The following POLRMT variants were observed in gnomAD, a reference collection of about 807,000 sequenced individuals.
The protein encoded by POLRMT is DNA-directed RNA polymerase, mitochondrial.
In POLRMT, 114 loss-of-function variants were observed where a neutral mutation model predicts 132.2. That is an observed-to-expected ratio of 0.86 (90% confidence interval 0.74 to 1.01). POLRMT has a LOEUF of 1.01. Ranked by LOEUF, POLRMT falls within the 50% of genes least tolerant of loss-of-function variation. The pLI, the probability that POLRMT is intolerant of heterozygous loss-of-function variation, is 0.00. For synonymous variants in POLRMT, 1,020 were observed against 773.4 expected (o/e 1.32, Z -5.29); for missense variants, 2,003 against 1,729.1 (o/e 1.16, Z -2.81).
chr19:621,333 G>A lies in POLRMT; in HGVS notation c.2365C>T (p.Leu789=), dbSNP rs940736344. Residue 789 remains leucine, a synonymous_variant, in exon 10 of 21, where the codon CTG becomes TTG. Transcript: ENST00000588649. ...ALYRLSLAQH[L]RDRVFWLPHN... Reference sequence around the variant, plus strand: ...GGCAGCCAGAAGACGCGGTCCCGCAGGTGCTGCGCCAGCGAGAGGCGGTAC... The same window carrying A: ...GGCAGCCAGAAGACGCGGTCCCGCAAGTGCTGCGCCAGCGAGAGGCGGTAC... 31 of 1,591,342 alleles carry A rather than the reference G, an allele frequency of 1.9e-5. No individual in the cohort carries two copies. The highest frequency in any genetic ancestry group is 3.4e-5 in the Admixed American group (2 of 58,840).
rs533474881 is a variant in POLRMT at position 619,808 on chromosome 19, C to G, written c.2887-43G>C. On this transcript the variant is annotated intron_variant, in intron 12 of 20. Coordinates refer to ENST00000588649, the MANE Select transcript of POLRMT (RefSeq NM_005035.4). ...CGGGGGCGCGGGTCAGCCCCGCTAG[C>G]AGCCCAGGGGCCACCAAGCACCCAT... is the stretch of plus-strand genomic sequence containing the variant. 15 of 1,549,902 alleles carry G rather than the reference C, an allele frequency of 9.7e-6. No individual in the cohort carries two copies. The South Asian group carries it at 1.2e-4, about 13-fold the overall frequency.
intron 3 of POLRMT, among the ~76,000 whole-genome samples, chr19:628,097 T>C (rs908176320): frequency 1.3e-5 from 2 of 152,108 alleles, no homozygotes; most frequent in Non-Finnish European, 2.9e-5. Flanking sequence ...CCAGGACTGC[T>C]GGCCACCCCG....
At chr19:628,339 G>C (rs74403576) in intron 3 of POLRMT, among the ~76,000 whole-genome samples, 1 of 152,172 alleles carries the variant, frequency 6.6e-6, no homozygotes, top group Non-Finnish European at 1.5e-5. Flanking sequence ...GAAAATACAC[G>C]ACCCTCATCC....
chr19:617,409 A>T lies in POLRMT; in HGVS notation c.3643+10T>A. On this transcript the variant is annotated intron_variant, in intron 20 of 20. Transcript: ENST00000588649. ...TCGAGCCACCCTTGCGAGGCTGCCC[A>T]CCCGCCTACCTGGCTTGGGCACCGC... is the stretch of plus-strand genomic sequence containing the variant. 1 of 1,611,698 alleles carries T rather than the reference A, an allele frequency of 6.2e-7. No individual in the cohort carries two copies. The highest frequency in any genetic ancestry group is 1.7e-5 in the Admixed American group (1 of 59,958).
In POLRMT at chr19:623,438, C is replaced by G; in HGVS notation, c.1290+16G>C. 6.2e-7 allele frequency: 1 copy of G among 1,609,724 alleles called. No homozygotes were observed. The highest frequency in any genetic ancestry group is 8.5e-7 in the Non-Finnish European group (1 of 1,179,282). ...CAGCCCCTGCGGCGGACACGGGACCCCGGCTCAGCCCCTACCGCGTGCTTG... is the reference window on the plus strand; with the variant it reads ...CAGCCCCTGCGGCGGACACGGGACCGCGGCTCAGCCCCTACCGCGTGCTTG... On this transcript the variant is annotated intron_variant, in intron 6 of 20. Transcript: ENST00000588649.
chr19:621,213 G>C lies in POLRMT; in HGVS notation c.2485C>G (p.Gln829Glu). Residue 829 changes from glutamine (Q) to glutamate (E), a missense_variant, in exon 10 of 21, where the codon CAG (glutamine) becomes GAG (glutamate). Gln to Glu is a conservative substitution (Grantham distance 29, BLOSUM62 2). Transcript: ENST00000588649. ...DVARALLEFA[Q>E]GRPLGPHGLD... ...CCGTGCGGGCCGAGCGGGCGGCCCT[G>C]GGCGAACTCCAGCAGGGCCCGCGCC... 6.2e-7 allele frequency: 1 copy of C among 1,610,212 alleles called. No homozygotes were observed.
At chr19:621,965 C>A in intron 9 of POLRMT, 119 bp from the exon 10 acceptor site, 1 of 1,311,144 alleles carries the variant, frequency 7.6e-7, no homozygotes, top group Non-Finnish European at 1.0e-6. Flanking sequence ...TGTGGCCTCC[C>A]ACGAACAGAA....
intron 3 of POLRMT, 84 bp downstream of exon 3, chr19:629,456 A>G (rs1396032282): frequency 7.6e-6 from 10 of 1,307,982 alleles, no homozygotes; most frequent in South Asian, 2.2e-5. Flanking sequence ...CCTGGGGGCT[A>G]AGAGAGAAAA....
At chr19:631,238 G>A (rs2144704611) in intron 2 of POLRMT, among the ~76,000 whole-genome samples, 1 of 149,386 alleles carries the variant, frequency 6.7e-6, no homozygotes, top group Non-Finnish European at 1.5e-5. Context: ...TGAGGTGAAA[G>A]AATCACCTAA....
At position 622,565 on chromosome 19, in the gene POLRMT, G is replaced by T; in HGVS notation, c.1626+17C>A. 4 of 1,586,400 alleles carry T rather than the reference G, an allele frequency of 2.5e-6. No individual in the cohort carries two copies. Among genetic ancestry groups the T allele is most frequent in the East Asian group, 2.3e-5 (1 of 44,164 alleles). On this transcript the variant is annotated intron_variant, in intron 8 of 20. Transcript: ENST00000588649. Reference sequence around the variant, plus strand: ...ACCACTGGCCCCAGCCAGGAGGAGAGGGGGTGCGAGCCTCACCTCGGCGTC... The same window carrying T: ...ACCACTGGCCCCAGCCAGGAGGAGATGGGGTGCGAGCCTCACCTCGGCGTC...
intron 17 of POLRMT, 32 bp downstream of exon 17, chr19:618,456 G>A (rs575918667): frequency 1.1e-5 from 17 of 1,524,416 alleles, no homozygotes; most frequent in South Asian, 8.3e-5. Flanking sequence ...CCTGGGAGGC[G>A]AGCGGCACCC....
At chr19:624,934 C>G (rs369877432) in intron 4 of POLRMT, 29 bp from the exon 5 acceptor site, 1 of 1,583,512 alleles carries the variant, frequency 6.3e-7, no homozygotes, top group South Asian at 1.1e-5. Context: ...GCTCGAGGGA[C>G]GGGCCAGCCC....
intron 2 of POLRMT, 33 bp downstream of exon 2, chr19:632,801 C>A: frequency 1.3e-6 from 2 of 1,515,364 alleles, no homozygotes; most frequent in Non-Finnish European, 8.9e-7. Context: ...AGCGGACTCT[C>A]CTCTCCCGGG....
In POLRMT at chr19:621,080, T is replaced by G. The variant is rs1984536558; in HGVS notation, c.2618A>C (p.Asp873Ala). 1.2e-6 allele frequency: 2 copies of G among 1,607,654 alleles called. No individual in the cohort carries two copies. Among genetic ancestry groups the G allele is most frequent in the Non-Finnish European group, 8.5e-7 (1 of 1,177,922 alleles). The change falls in exon 10 of 21, where the codon GAC (aspartate) becomes GCC (alanine). Residue 873 changes from aspartate (D) to alanine (A), a missense_variant. By Grantham distance (126) the Asp-to-Ala change is moderately radical (BLOSUM62 -2). Transcript: ENST00000588649. ...TACCGTCAAGGGTTGGTCCGCGGAG[T>G]CCAGGATGTCATCCATCACCTCCTC... The part of the protein sequence containing the change: ...FAEEVMDDIL[D>A]SADQPLTGRK...
chr19:622,433 G>C (rs1984688744), intron 8 of POLRMT, 60 bp from the exon 9 acceptor site: 2 of 1,478,378 alleles, frequency 1.4e-6, no homozygotes, highest in South Asian at 2.7e-5. Context: ...ATGCCCCACC[G>C]CCCGTGCCTG....
intron 5 of POLRMT, 21 bp downstream of exon 5, chr19:624,697 GC>G: frequency 1.2e-6 from 2 of 1,604,856 alleles, no homozygotes; most frequent in Non-Finnish European, 1.7e-6. Context: ...ACTGAAGTCT[GC>G]CGGGGCCCAC....
chr19:621,576 G>A lies in POLRMT; in HGVS notation c.2122C>T (p.Arg708Cys), dbSNP rs1445117106. Residue 708 changes from arginine (R) to cysteine (C), a missense_variant, in exon 10 of 21, where the codon CGC becomes TGC. Coordinates refer to ENST00000588649, the MANE Select transcript of POLRMT (RefSeq NM_005035.4). ...AGGTCCAGCACGCGCCCGTTGACGC[G>A]CCAGGCGCAGTTGCCCAGTTGGGTG... ...ALTQLGNCAW[R>C]VNGRVLDLVL... The A allele has an allele frequency of 8.2e-6, 12 of 1,466,168 alleles. No individual in the cohort carries two copies. Among genetic ancestry groups the A allele is most frequent in the East Asian group, 2.6e-5 (1 of 38,896 alleles). 90.8% of individuals were successfully genotyped at this position (1,466,168 alleles called of 1,614,324 possible).
Position 623,467 on chromosome 19 carries a change from T to A in POLRMT, c.1277A>T (p.Glu426Val), listed in dbSNP as rs770814053. 8 of 1,611,888 alleles carry A rather than the reference T, an allele frequency of 5.0e-6. No individual in the cohort carries two copies. The highest frequency in any genetic ancestry group is 6.8e-6 in the Non-Finnish European group (8 of 1,179,924). ...CTCAGCCCCTACCGCGTGCTTGACCTCCTTGCTTGGCAACGTGGGCTTCTC... is the reference window on the plus strand; with the variant it reads ...CTCAGCCCCTACCGCGTGCTTGACCACCTTGCTTGGCAACGTGGGCTTCTC... ...SVEKPTLPSK[E>V]VKHARKTLKT... The change falls in exon 6 of 21, where the codon GAG becomes GTG. Residue 426 changes from glutamate to valine, a missense_variant. By Grantham distance (121) the Glu-to-Val change is moderately radical. Coordinates refer to ENST00000588649, the MANE Select transcript of POLRMT (RefSeq NM_005035.4).
chr19:617,439 AGT>A lies in POLRMT; in HGVS notation c.3621_3622del (p.Leu1208AlafsTer?). On this transcript the variant is annotated frameshift_variant, in exon 20 of 21. Coordinates refer to ENST00000588649, the MANE Select transcript of POLRMT (RefSeq NM_005035.4). LOFTEE classifies it high-confidence loss of function. The stretch of plus-strand genomic sequence containing the variant: ...CCTACCTGGCTTGGGCACCGCCTGC[AGT>A]GTCTCCTTCAGCTGGCTGGCCTCCA... The A allele has an allele frequency of 6.4e-7, 1 of 1,567,330 alleles. No homozygotes were observed.
Sources: allele counts gnomAD v4.1 joint callset (sites outside exome capture counted in the v4.1 genomes callset), GRCh38; gene constraint gnomAD v4.1.1; transcripts MANE v1.5; gene names NCBI Gene and HGNC (gene_info 2026-07-23, HGNC 2026-07-21).